Variants in ZBTB20 observed in about 807,000 individuals in gnomAD.
The protein encoded by ZBTB20 is zinc finger and BTB domain-containing protein 20.
Under a neutral mutation model 56.9 loss-of-function variants are expected in ZBTB20, and 9 were observed. The observed-to-expected ratio is 0.16, with a 90% CI of 0.10 to 0.28. The LOEUF is 0.28. ZBTB20 is among the 10% of genes least tolerant of loss of function. The pLI is 1.00. For synonymous variants in ZBTB20, 417 were observed against 420.7 expected, an observed-to-expected ratio of 0.99 and a Z score of 0.11; for missense variants, 655 against 1,003.0, an observed-to-expected ratio of 0.65 and a Z score of 4.69.
intron 2 of ZBTB20, among the ~76,000 whole-genome samples, chr3:115,068,880 G>GAAA (rs1009497435): frequency 4.2e-5 from 6 of 142,608 alleles, no homozygotes; most frequent in African/African-American, 1.5e-4. Context: ...TTGCTTGTTT[G>GAAA]AAAAAAAAAA....
chr3:114,925,003 TA>T (rs1425849723), intron 3 of ZBTB20, among the ~76,000 whole-genome samples: 3 of 147,514 alleles, frequency 2.0e-5, no homozygotes, highest in African/African-American at 5.0e-5. Flanking sequence ...TTTTTTTTTT[TA>T]GATGAAGTCT....
intron 2 of ZBTB20, among the ~76,000 whole-genome samples, chr3:115,064,443 C>CTTTTTTTTTTT (rs34098178): frequency 3.8e-5 from 3 of 78,044 alleles, no homozygotes; most frequent in African/African-American, 5.3e-5. Flanking sequence ...TCTCATAATT[C>CTTTTTTTTTTT]TTTTTTTTTT....
intron 7 of ZBTB20, among the ~76,000 whole-genome samples, chr3:114,390,869 A>C (rs906424728): frequency 1.3e-5 from 2 of 152,214 alleles, no homozygotes; most frequent in Non-Finnish European, 2.9e-5. Context: ...AAAGTTTAGA[A>C]CTTAATTCAT....
chr3:114,581,256 G>C (rs1050198640), intron 6 of ZBTB20, among the ~76,000 whole-genome samples: 1 of 151,984 alleles, frequency 6.6e-6, no homozygotes, highest in Admixed American at 6.5e-5. Context: ...TAGGGTACCA[G>C]AACCAAAAAT....
chr3:114,980,256 G>C (rs2078273943), intron 2 of ZBTB20, among the ~76,000 whole-genome samples: 1 of 151,900 alleles, frequency 6.6e-6, no homozygotes, highest in African/African-American at 2.4e-5. Flanking sequence ...TTAAAACTCA[G>C]TGACTATAAA....
chr3:114,850,927 G>A (rs4682164), intron 4 of ZBTB20, among the ~76,000 whole-genome samples: 123,257 of 152,044 alleles, frequency 0.81, 53,109 homozygotes, highest in East Asian at 0.99. Context: ...CTCAGTTGAG[G>A]GATTAAAAAA....
intron 7 of ZBTB20, among the ~76,000 whole-genome samples, chr3:114,442,991 T>G (rs981659225): frequency 6.6e-6 from 1 of 152,188 alleles, no homozygotes; most frequent in African/African-American, 2.4e-5. Flanking sequence ...CCATGCCATA[T>G]TCAAGCTAGA....
intron 4 of ZBTB20, among the ~76,000 whole-genome samples, chr3:114,834,269 T>C (rs1038462570): frequency 6.6e-6 from 1 of 152,168 alleles, no homozygotes; most frequent in Non-Finnish European, 1.5e-5. Context: ...CTAAAATGAA[T>C]TTCTAATTCA....
chr3:114,512,778 T>G (rs1040911728), intron 6 of ZBTB20, among the ~76,000 whole-genome samples: 2 of 152,144 alleles, frequency 1.3e-5, no homozygotes, highest in African/African-American at 4.8e-5. Flanking sequence ...TCCTTTCTTT[T>G]TTGAAAGAGG....
At position 114,610,545 on chromosome 3, in the gene ZBTB20, C is replaced by A. The variant is rs7623398; in HGVS notation, c.-295+82983G>T. Among the ~76,000 whole-genome samples the A allele has an allele frequency of 9.4e-3, 1,436 of 152,272 alleles. 24 individuals are homozygous for A. The highest frequency in any genetic ancestry group is 0.031 in the African/African-American group (1,306 of 41,558). ...CACATTTTTCATCCCAACTGCAGGG[C>A]AAAATTAGGCCTTGTACGTAACTGG... On this transcript the variant is annotated intron_variant, in intron 6 of 11. Coordinates refer to ENST00000675478, the MANE Select transcript of ZBTB20 (RefSeq NM_001348800.3).
At chr3:114,429,696 T>C (rs1489214143) in intron 7 of ZBTB20, among the ~76,000 whole-genome samples, 4 of 151,684 alleles carry the variant, frequency 2.6e-5, no homozygotes, top group African/African-American at 9.7e-5. Flanking sequence ...ATGGAAAATA[T>C]TTGGAAAAAA....
At chr3:114,649,116 A>G (rs1414758073) in intron 6 of ZBTB20, among the ~76,000 whole-genome samples, 2 of 152,020 alleles carry the variant, frequency 1.3e-5, no homozygotes, top group Non-Finnish European at 2.9e-5. Flanking sequence ...AGCCAAAAAG[A>G]TACACTATTC....
intron 2 of ZBTB20, among the ~76,000 whole-genome samples, chr3:115,033,353 G>A (rs1430921514): frequency 6.6e-6 from 1 of 151,560 alleles, no homozygotes; most frequent in Non-Finnish European, 1.5e-5. Context: ...AACTTGTAAG[G>A]AGATTGAATC....
chr3:114,631,900 C>A (rs548057623), intron 6 of ZBTB20, among the ~76,000 whole-genome samples: 12 of 152,210 alleles, frequency 7.9e-5, no homozygotes, highest in East Asian at 1.9e-4. Flanking sequence ...TTGCCTAATT[C>A]CCTTAAGAAG....
At chr3:114,791,451 G>A (rs1372163116) in intron 5 of ZBTB20, among the ~76,000 whole-genome samples, 3 of 152,154 alleles carry the variant, frequency 2.0e-5, no homozygotes, top group East Asian at 1.9e-4. Flanking sequence ...AGCAGCCAGA[G>A]TCTAGTCAGG....
intron 7 of ZBTB20, among the ~76,000 whole-genome samples, chr3:114,412,074 G>C (rs574970027): frequency 6.6e-6 from 1 of 152,058 alleles, no homozygotes; most frequent in African/African-American, 2.4e-5. Context: ...GTACATTCAG[G>C]GGAAAATGAA....
At chr3:115,132,770 A>G (rs999865966) in intron 1 of ZBTB20, among the ~76,000 whole-genome samples, 1 of 151,874 alleles carries the variant, frequency 6.6e-6, no homozygotes. Context: ...GTCTCAAAAT[A>G]AAAGACAAAA....
chr3:114,524,801 G>A (rs1209502609), intron 6 of ZBTB20, among the ~76,000 whole-genome samples: 1 of 151,828 alleles, frequency 6.6e-6, no homozygotes, highest in Non-Finnish European at 1.5e-5. Flanking sequence ...TACAACTTCC[G>A]CCTCTCAGGT....
At chr3:114,627,931 T>C (rs2058734888) in intron 6 of ZBTB20, among the ~76,000 whole-genome samples, 1 of 152,244 alleles carries the variant, frequency 6.6e-6, no homozygotes, top group Non-Finnish European at 1.5e-5. Context: ...AACTGTAGAG[T>C]TCCGGGCTGG....
Sources: allele counts gnomAD v4.1 joint callset (sites outside exome capture counted in the v4.1 genomes callset), GRCh38; gene constraint gnomAD v4.1.1; transcripts MANE v1.5; gene names NCBI Gene and HGNC (gene_info 2026-07-23, HGNC 2026-07-21).